Variants in TUSC3 observed in about 807,000 individuals in gnomAD.
The protein encoded by TUSC3 is dolichyl-diphosphooligosaccharide--protein glycosyltransferase subunit TUSC3.
In TUSC3, 45 loss-of-function variants were observed where a neutral mutation model predicts 44.8. The ratio of observed to expected loss-of-function variants is 1.00; its 90% CI spans 0.79 to 1.29. TUSC3 has a LOEUF of 1.29. Among genes scored for constraint, TUSC3 ranks in the 50% most tolerant of loss-of-function variants. TUSC3 has a pLI of 0.00. For missense variants in TUSC3, 519 were observed against 437.9 expected, an observed-to-expected ratio of 1.19 and a Z score of -1.65; for synonymous variants, 212 against 152.9, an observed-to-expected ratio of 1.39 and a Z score of -2.85.
chr8:15,721,407 T>G (rs1343292230), intron 6 of TUSC3, among the ~76,000 whole-genome samples: 2 of 152,056 alleles, frequency 1.3e-5, no homozygotes, highest in Non-Finnish European at 2.9e-5. Context: ...AATAATGATA[T>G]GAGAATATTA....
chr8:15,424,765 G>A (rs932722181), intron 1 of TUSC3, among the ~76,000 whole-genome samples: 8 of 151,936 alleles, frequency 5.3e-5, no homozygotes, highest in Non-Finnish European at 7.4e-5. Flanking sequence ...CTGTGGGCCC[G>A]GCTACTTGGG....
At chr8:15,807,978 T>C in the TUSC3 span, among the ~76,000 whole-genome samples, 1 of 105,530 alleles carries the variant, frequency 9.5e-6, no homozygotes, top group Non-Finnish European at 2.0e-5. Flanking sequence ...GATATAACCA[T>C]GTCACATACC....
chr8:15,598,483 G>A (rs894195024), intron 1 of TUSC3, among the ~76,000 whole-genome samples: 2 of 151,692 alleles, frequency 1.3e-5, no homozygotes, highest in African/African-American at 4.8e-5. Flanking sequence ...CCCAAAGTCT[G>A]TACTTTGTAT....
chr8:15,827,898 G>A, the TUSC3 span, among the ~76,000 whole-genome samples: 12 of 152,186 alleles, frequency 7.9e-5, no homozygotes, highest in East Asian at 1.9e-4. Flanking sequence ...CAAATTTTGC[G>A]GGGCCAGAGG....
chr8:15,586,365 C>G (rs1178328531), intron 1 of TUSC3, among the ~76,000 whole-genome samples: 2 of 152,072 alleles, frequency 1.3e-5, no homozygotes, highest in South Asian at 2.1e-4. Flanking sequence ...AATGCATATT[C>G]AAAAGAGGAG....
chr8:15,445,068 T>G (rs905562376), intron 1 of TUSC3, among the ~76,000 whole-genome samples: 1 of 152,118 alleles, frequency 6.6e-6, no homozygotes, highest in Non-Finnish European at 1.5e-5. Context: ...AAAATTCTTA[T>G]TAGAAACAAA....
At chr8:15,563,870 A>G (rs1168762845) in intron 1 of TUSC3, among the ~76,000 whole-genome samples, 1 of 152,030 alleles carries the variant, frequency 6.6e-6, no homozygotes, top group Non-Finnish European at 1.5e-5. Context: ...GTCTCAGAAT[A>G]CCTATTAAAC....
In TUSC3 at chr8:15,585,272, C is replaced by G. The variant is rs933833483; in HGVS notation, c.139-37808C>G. 2.0e-5 allele frequency among the ~76,000 whole-genome samples: 3 copies of G among 152,018 alleles called. No individual in the cohort carries two copies. In the South Asian group the frequency reaches 6.2e-4, roughly 31 times the overall value. On this transcript the variant is annotated intron_variant, in intron 1 of 10. Coordinates refer to ENST00000503731, the MANE Select transcript of TUSC3 (RefSeq NM_006765.4). ...ATTTGAAGTCCTTGGCAATTTCATTCAATAAAGGTTCAAGAGAGAGGTACA... is the reference window on the plus strand; with the variant it reads ...ATTTGAAGTCCTTGGCAATTTCATTGAATAAAGGTTCAAGAGAGAGGTACA...
the TUSC3 span, among the ~76,000 whole-genome samples, chr8:15,774,539 T>C: frequency 2.0e-5 from 3 of 152,146 alleles, no homozygotes; most frequent in Non-Finnish European, 2.9e-5. Context: ...ACAAGTAGCA[T>C]GACTTTGCCA....
intron 4 of TUSC3, 114 bp from the exon 5 acceptor site, chr8:15,662,042 G>A: frequency 8.5e-7 from 1 of 1,171,976 alleles, no homozygotes; most frequent in Non-Finnish European, 1.2e-6. Flanking sequence ...CGTATGAAAA[G>A]TTGGGTGGCA....
chr8:15,570,303 C>CAA (rs201769611), intron 1 of TUSC3, among the ~76,000 whole-genome samples: 2 of 150,002 alleles, frequency 1.3e-5, no homozygotes, highest in South Asian at 4.2e-4. Context: ...CACACACACA[C>CAA]TCTTACTGAA....
At chr8:15,693,218 G>A (rs753996283) in intron 6 of TUSC3, among the ~76,000 whole-genome samples, 16 of 152,130 alleles carry the variant, frequency 1.1e-4, no homozygotes, top group Non-Finnish European at 2.1e-4. Flanking sequence ...TGGTTATTAC[G>A]TAGACTTGTT....
intron 1 of TUSC3, among the ~76,000 whole-genome samples, chr8:15,550,361 G>A (rs575926066): frequency 2.0e-5 from 3 of 151,718 alleles, no homozygotes; most frequent in Admixed American, 1.3e-4. Context: ...CTTAGATGTT[G>A]GACATAGTGT....
At chr8:15,487,414 C>T (rs1404319786) in intron 2 of TUSC3, among the ~76,000 whole-genome samples, 2 of 152,172 alleles carry the variant, frequency 1.3e-5, no homozygotes, top group South Asian at 2.1e-4. Context: ...TCTTTTCTAG[C>T]ATCCAATTCC....
intron 1 of TUSC3, among the ~76,000 whole-genome samples, chr8:15,598,794 T>C (rs939964070): frequency 9.2e-5 from 14 of 151,826 alleles, no homozygotes; most frequent in African/African-American, 3.4e-4. Context: ...TTTATAGCAC[T>C]GAATAATCTA....
chr8:15,843,715 A>G, the TUSC3 span, among the ~76,000 whole-genome samples: 1 of 151,632 alleles, frequency 6.6e-6, no homozygotes, highest in Non-Finnish European at 1.5e-5. Flanking sequence ...TATAAGATGT[A>G]TATGTATGTG....
At chr8:15,774,532 A>G in the TUSC3 span, among the ~76,000 whole-genome samples, 1 of 152,186 alleles carries the variant, frequency 6.6e-6, no homozygotes, top group Non-Finnish European at 1.5e-5. Flanking sequence ...AGGTCTCACA[A>G]GTAGCATGAC....
the TUSC3 span, among the ~76,000 whole-genome samples, chr8:15,820,096 G>A: frequency 5.9e-5 from 9 of 152,120 alleles, no homozygotes; most frequent in Admixed American, 3.3e-4. Flanking sequence ...TGCTTTTTCT[G>A]CATCTACTGA....
At chr8:15,439,125 G>A (rs1025666152) in intron 1 of TUSC3, among the ~76,000 whole-genome samples, 34 of 152,178 alleles carry the variant, frequency 2.2e-4, no homozygotes, top group African/African-American at 7.2e-5. Flanking sequence ...ATGAAGCCAG[G>A]AGAAGAAGGG....
Sources: gnomAD v4.1 joint callset for allele counts (sites outside exome capture counted in the v4.1 genomes callset) on GRCh38, gnomAD v4.1.1 for gene constraint, MANE v1.5 for transcripts, NCBI Gene and HGNC (gene_info 2026-07-23, HGNC 2026-07-21) for gene names.